RRBP1: variants seen among roughly 807,000 people sequenced by gnomAD.
RRBP1 encodes the protein ribosome binding protein 1.
RRBP1 carries 94 observed loss-of-function variants against 165.2 expected under a neutral mutation model. The observed-to-expected ratio is 0.57, with a 90% CI of 0.48 to 0.68. The LOEUF (loss-of-function observed/expected upper bound fraction) is 0.68, where lower values mean the gene tolerates loss of function less well. Among genes scored for constraint, RRBP1 ranks in the 30% least tolerant of loss-of-function variants. The pLI, the probability that RRBP1 is intolerant of heterozygous loss-of-function variation, is 0.00. For synonymous variants in RRBP1, 680 were observed against 714.5 expected (o/e 0.95, Z 0.77); for missense variants, 1,676 against 1,763.0 (o/e 0.95, Z 0.88).
At chr20:17,670,008 T>C (rs945418491) in intron 2 of RRBP1, among the ~76,000 whole-genome samples, 1 of 152,176 alleles carries the variant, frequency 6.6e-6, no homozygotes, top group African/African-American at 2.4e-5. Flanking sequence ...GTTTTTCTCA[T>C]ATCAAAGGGA....
At position 17,641,870 on chromosome 20, in the gene RRBP1, T is replaced by A; in HGVS notation, c.2111A>T (p.Glu704Val). 2 of 1,614,098 alleles carry A rather than the reference T, an allele frequency of 1.2e-6. No homozygotes were observed. The highest frequency in any genetic ancestry group is 1.7e-6 in the Non-Finnish European group (2 of 1,179,986). ...TTCTGTGGCCAGCAGTTTTTCCTTC[T>A]CTTCCAGCTGGCGTTTCAGAATCGC... ...PVAILKRQLE[E>V]KEKLLATEQE... The change falls in exon 5 of 25, where the codon GAG (glutamate) becomes GTG (valine). Residue 704 changes from glutamate (E) to valine (V), a missense_variant. By Grantham distance (121) the Glu-to-Val change is moderately radical. Transcript: ENST00000377813.
At chr20:17,625,331 CG>C (rs2035995730) in intron 12 of RRBP1, among the ~76,000 whole-genome samples, 180 bp downstream of exon 12, 2 of 152,076 alleles carry the variant, frequency 1.3e-5, no homozygotes, top group Admixed American at 1.3e-4. Context: ...GGGTCTTTGG[CG>C]GAACTCAGGG....
Position 17,620,692 on chromosome 20 carries a change from G to A in RRBP1, c.3507+23C>T, listed in dbSNP as rs775414498. The stretch of plus-strand genomic sequence containing the variant: ...GGCTTCATGTGCTCCACGGCGCCGG[G>A]AGGCAGGCAGGGCTGCATATACCTT... On this transcript the variant is annotated intron_variant, in intron 17 of 24. Coordinates refer to ENST00000377813, the MANE Select transcript of RRBP1 (RefSeq NM_001365613.2). 3.8e-6 allele frequency: 6 copies of A among 1,581,962 alleles called. No homozygotes were observed. In the African/African-American group the frequency reaches 5.4e-5, roughly 14 times the overall value.
intron 4 of RRBP1, 54 bp downstream of exon 4, chr20:17,642,925 A>G (rs1600752462): frequency 6.3e-7 from 1 of 1,588,222 alleles, no homozygotes; most frequent in South Asian, 1.1e-5. Context: ...GGGCAAAACC[A>G]CCCTAGCCAG....
rs778909115 is a variant in RRBP1, at chr20:17,614,151, G to A, written c.*31C>T. 2 of 1,610,980 alleles carry A rather than the reference G, an allele frequency of 1.2e-6. No individual in the cohort carries two copies. Among genetic ancestry groups the A allele is most frequent in the Non-Finnish European group, 1.7e-6 (2 of 1,177,188 alleles). On this transcript the variant is annotated 3_prime_UTR_variant, in exon 25 of 25. Transcript: ENST00000377813. ...AATGTGTAAGGCATTTTGGTAAGTT[G>A]AACAGTAACTTCTTTTTCCAAAGAG...
rs569723463 is a variant in RRBP1 at position 17,627,519 on chromosome 20, A to G, written c.2913T>C (p.Asp971=). The change falls in exon 10 of 25, where the codon GAT becomes GAC. Residue 971 remains aspartate, a synonymous_variant. Transcript: ENST00000377813. ...EALLEAGQAR[D]AQDVQASQAE... ...GAAGGCTGACCTGGACGTCCTGGGC[A>G]TCCCGCGCCTGGCCCGCCTCCAGCA... The G allele has an allele frequency of 3.1e-4, 498 of 1,610,726 alleles. 12 individuals are homozygous for G. In the South Asian group the frequency reaches 4.1e-3, roughly 13 times the overall value.
rs1377134627 is a variant in RRBP1 at position 17,613,876 on chromosome 20, C to T, written c.*306G>A. 2.7e-6 allele frequency: 1 copy of T among 370,046 alleles called. No individual in the cohort carries two copies. The highest frequency in any genetic ancestry group is 4.1e-5 in the Admixed American group (1 of 24,366). 22.9% of individuals were successfully genotyped at this position (370,046 alleles called of 1,614,324 possible). A position where few individuals can be genotyped will look rare whatever the true frequency, so the allele number is the denominator to read the frequency against. ...AACGATTGCACTGACAGACAGACCC[C>T]AGAGCGCCCGGCCTCCCACACACCC... On this transcript the variant is annotated 3_prime_UTR_variant, in exon 25 of 25. Coordinates refer to ENST00000377813, the MANE Select transcript of RRBP1 (RefSeq NM_001365613.2).
intron 8 of RRBP1, among the ~76,000 whole-genome samples, chr20:17,632,006 T>C (rs2036159641): frequency 6.6e-6 from 1 of 152,230 alleles, no homozygotes; most frequent in African/African-American, 2.4e-5. Context: ...CTAGGCACTC[T>C]GGGTGTAATA....
intron 4 of RRBP1, 113 bp from the exon 5 acceptor site, chr20:17,642,032 G>C (rs770683069): frequency 8.4e-7 from 1 of 1,184,516 alleles, no homozygotes; most frequent in Admixed American, 2.2e-5. Flanking sequence ...CAGGGGCTTC[G>C]AGTCAAGGGT....
At chr20:17,633,111 G>T (rs1175629985) in intron 8 of RRBP1, among the ~76,000 whole-genome samples, 3 of 152,206 alleles carry the variant, frequency 2.0e-5, no homozygotes, top group African/African-American at 7.2e-5. Context: ...TGAACTTGAG[G>T]TAGTTGCTGA....
In RRBP1 at chr20:17,677,118, A is replaced by G. The variant is rs967136690; in HGVS notation, c.-22+2881T>C. Among the ~76,000 whole-genome samples, 8 of 152,230 alleles carry G rather than the reference A, an allele frequency of 5.3e-5. No individual in the cohort carries two copies. In the East Asian group the frequency reaches 1.3e-3, roughly 26 times the overall value. The stretch of plus-strand genomic sequence containing the variant: ...TTAAAAGGTGACTCAATTGCTTAAT[A>G]ACATGAGGTCAGTGAAACAAATTCC... On this transcript the variant is annotated intron_variant, in intron 2 of 24. Transcript: ENST00000377813.
Position 17,673,414 on chromosome 20 carries a change from TTTTC to T in RRBP1, c.-22+6581_-22+6584del, listed in dbSNP as rs944370210. Among the ~76,000 whole-genome samples, 215 of 152,250 alleles carry T rather than the reference TTTTC, an allele frequency of 1.4e-3. 2 individuals are homozygous for T. The highest frequency in any genetic ancestry group is 4.9e-3 in the African/African-American group (203 of 41,536). ...ACCTTGCTGTCCTGAAGTCTTTCTT[TTTTC>T]TTTTTTTTGTGATGGAGTCTCACTT... On this transcript the variant is annotated intron_variant, in intron 2 of 24. Coordinates refer to ENST00000377813, the MANE Select transcript of RRBP1 (RefSeq NM_001365613.2).
intron 8 of RRBP1, among the ~76,000 whole-genome samples, chr20:17,630,480 C>T (rs368829238): frequency 6.6e-6 from 1 of 152,220 alleles, no homozygotes; most frequent in Non-Finnish European, 1.5e-5. Context: ...TTTTTACCTA[C>T]AAAAATGGCA....
chr20:17,632,968 C>T (rs749109516), intron 8 of RRBP1, among the ~76,000 whole-genome samples: 8 of 152,232 alleles, frequency 5.3e-5, no homozygotes, highest in Non-Finnish European at 8.8e-5. Context: ...CCAGAGGCTG[C>T]GTCCACAGCC....
chr20:17,674,285 G>C (rs1238069177), intron 2 of RRBP1, among the ~76,000 whole-genome samples: 1 of 152,158 alleles, frequency 6.6e-6, no homozygotes, highest in East Asian at 1.9e-4. Context: ...ACGTAGTATT[G>C]CCTCTTCCCA....
chr20:17,645,592 A>C (rs571977995), intron 3 of RRBP1, among the ~76,000 whole-genome samples: 65 of 152,312 alleles, frequency 4.3e-4, no homozygotes, highest in African/African-American at 1.4e-3. Flanking sequence ...ATTGTCCCCA[A>C]ATCAAGGGCA....
intron 18 of RRBP1, 82 bp from the exon 19 acceptor site, chr20:17,619,810 C>G: frequency 9.5e-7 from 1 of 1,048,762 alleles, no homozygotes; most frequent in Admixed American, 2.6e-5. Context: ...CAGGCTGGCC[C>G]TGGGATAGGT....
intron 3 of RRBP1, among the ~76,000 whole-genome samples, chr20:17,652,807 G>C (rs745493536): frequency 6.6e-6 from 1 of 152,196 alleles, no homozygotes; most frequent in Non-Finnish European, 1.5e-5. Context: ...TGTCTCATCC[G>C]GGCTTGCTCA....
chr20:17,618,946 C>T (rs2035855167), intron 19 of RRBP1: 2 of 451,858 alleles, frequency 4.4e-6, no homozygotes, highest in Non-Finnish European at 8.1e-6. Flanking sequence ...AAAAAAGGGC[C>T]AAAAGTTGGA....
Sources: gnomAD v4.1 joint callset for allele counts (sites outside exome capture counted in the v4.1 genomes callset) on GRCh38, gnomAD v4.1.1 for gene constraint, MANE v1.5 for transcripts, NCBI Gene and HGNC (gene_info 2026-07-23, HGNC 2026-07-21) for gene names.